RAPGEF5: variants seen among roughly 807,000 people sequenced by gnomAD.
The protein encoded by RAPGEF5 is M-Ras-regulated GEF.
A neutral mutation model predicts 125.2 loss-of-function variants in RAPGEF5; 65 were observed. The ratio of observed to expected loss-of-function variants is 0.52; its 90% confidence interval spans 0.43 to 0.64. The LOEUF (loss-of-function observed/expected upper bound fraction) is 0.64. RAPGEF5 is among the 30% of genes least tolerant of loss of function. RAPGEF5 has a pLI of 0.00. For synonymous variants in RAPGEF5, 391 were observed against 385.9 expected (o/e 1.01, Z -0.16); for missense variants, 958 against 1,048.1 (o/e 0.91, Z 1.19).
intron 4 of RAPGEF5, among the ~76,000 whole-genome samples, chr7:22,309,420 T>C (rs1451126763): frequency 6.6e-6 from 1 of 152,216 alleles, no homozygotes; most frequent in Non-Finnish European, 1.5e-5. Context: ...TAATCCAGAT[T>C]GCTCGGTTTC....
intron 5 of RAPGEF5, among the ~76,000 whole-genome samples, chr7:22,299,583 T>C (rs1358620537): frequency 9.2e-5 from 14 of 152,214 alleles, no homozygotes; most frequent in Non-Finnish European, 2.1e-4. Context: ...ATGTAGCTTT[T>C]CCTTTATTCC....
intron 11 of RAPGEF5, among the ~76,000 whole-genome samples, chr7:22,179,892 C>T (rs1250078652): frequency 6.6e-6 from 1 of 152,174 alleles, no homozygotes; most frequent in Non-Finnish European, 1.5e-5. Flanking sequence ...TCATGAATAA[C>T]CCACCCCTTG....
chr7:22,293,526 G>T lies in RAPGEF5; in HGVS notation c.681-2285C>A, dbSNP rs149078259. ...CCACCTTCTGACAAGCTTGTCTCTGGCTTCTCTTCTTGTACCCAGATGCCT... is the reference window on the plus strand; with the variant it reads ...CCACCTTCTGACAAGCTTGTCTCTGTCTTCTCTTCTTGTACCCAGATGCCT... On this transcript the variant is annotated intron_variant, in intron 5 of 25. Transcript: ENST00000665637. Among the ~76,000 whole-genome samples, 292 of 152,132 alleles carry T rather than the reference G, an allele frequency of 1.9e-3. 1 individual carries two copies. Among genetic ancestry groups the T allele is most frequent in the Non-Finnish European group, 3.1e-3 (212 of 68,002 alleles).
intron 6 of RAPGEF5, among the ~76,000 whole-genome samples, chr7:22,269,048 A>G (rs1434660016): frequency 6.6e-6 from 1 of 152,112 alleles, no homozygotes; most frequent in African/African-American, 2.4e-5. Context: ...TTTACATAAA[A>G]TAAATGAGAT....
At chr7:22,288,259 G>A (rs1251243851) in intron 6 of RAPGEF5, among the ~76,000 whole-genome samples, 3 of 152,012 alleles carry the variant, frequency 2.0e-5, no homozygotes, top group Admixed American at 6.6e-5. Context: ...TTCTACTCGG[G>A]TCTTCAATCT....
intron 21 of RAPGEF5, among the ~76,000 whole-genome samples, chr7:22,138,605 C>T (rs186672904): frequency 2.8e-4 from 42 of 152,256 alleles, no homozygotes; most frequent in African/African-American, 9.9e-4. Context: ...GCTTCTCATT[C>T]GAGTTTTCTC....
In RAPGEF5 at chr7:22,121,055, T is replaced by G. The variant is rs1412852399; in HGVS notation, c.*1351A>C. 3.3e-5 allele frequency: 5 copies of G among 152,138 alleles called. No individual in the cohort carries two copies. The highest frequency in any genetic ancestry group is 1.2e-4 in the African/African-American group (5 of 41,420). 9.4% of individuals were successfully genotyped at this position (152,138 alleles called of 1,614,324 possible). A position where few individuals can be genotyped will look rare whatever the true frequency, so the allele number is the denominator to read the frequency against. Reference sequence around the variant, plus strand: ...TTGCATTTTAGCAAGGTGACAAGTATCTAGCAGGCAGGGGTGGATTTCATT... The same window carrying G: ...TTGCATTTTAGCAAGGTGACAAGTAGCTAGCAGGCAGGGGTGGATTTCATT... On this transcript the variant is annotated 3_prime_UTR_variant, in exon 26 of 26. Coordinates refer to ENST00000665637, the MANE Select transcript of RAPGEF5 (RefSeq NM_012294.5).
chr7:22,267,140 G>T, intron 6 of RAPGEF5, 128 bp from the exon 7 acceptor site: 1 of 843,834 alleles, frequency 1.2e-6, no homozygotes, highest in Non-Finnish European at 1.8e-6. Flanking sequence ...TTTGCTGCCA[G>T]CACTTTTTTG....
chr7:22,136,171 T>C (rs1485927676), intron 22 of RAPGEF5, 46 bp from the exon 23 acceptor site: 4 of 1,388,806 alleles, frequency 2.9e-6, no homozygotes, highest in Non-Finnish European at 4.0e-6. Flanking sequence ...ATCAATGTGC[T>C]ATAGAAACAA....
In RAPGEF5 at chr7:22,314,763, G is replaced by T. The variant is rs189611109; in HGVS notation, c.389+607C>A. On this transcript the variant is annotated intron_variant, in intron 3 of 25. Transcript: ENST00000665637. Reference sequence around the variant, plus strand: ...ACAAAAAGCTAATAATTTACTTTTGGTTTTTTCTTTAAATTGTTCCATAAA... The same window carrying T: ...ACAAAAAGCTAATAATTTACTTTTGTTTTTTTCTTTAAATTGTTCCATAAA... 3.6e-3 allele frequency: 1,494 copies of T among 418,106 alleles called. 13 individuals are homozygous for T. Among genetic ancestry groups the T allele is most frequent in the Admixed American group, 7.8e-3 (122 of 15,552 alleles). 25.9% of individuals were successfully genotyped at this position (418,106 alleles called of 1,614,324 possible).
chr7:22,124,339 G>A (rs978543067), intron 25 of RAPGEF5, among the ~76,000 whole-genome samples: 1 of 152,200 alleles, frequency 6.6e-6, no homozygotes, highest in African/African-American at 2.4e-5. Flanking sequence ...GAATCTCTGT[G>A]ATGATGTTAT....
chr7:22,222,975 T>C (rs1785828612), intron 8 of RAPGEF5, among the ~76,000 whole-genome samples: 1 of 151,678 alleles, frequency 6.6e-6, no homozygotes, highest in Non-Finnish European at 1.5e-5. Context: ...GGAGTTGTCA[T>C]GGGGGGAGGC....
chr7:22,198,219 G>A (rs955679761), intron 9 of RAPGEF5, among the ~76,000 whole-genome samples: 17 of 152,106 alleles, frequency 1.1e-4, no homozygotes, highest in African/African-American at 4.1e-4. Context: ...AGAGAGAAGG[G>A]ACATTTTGCT....
intron 8 of RAPGEF5, among the ~76,000 whole-genome samples, chr7:22,226,427 T>A (rs1785920930): frequency 6.6e-6 from 1 of 152,116 alleles, no homozygotes. Flanking sequence ...ATATTAAGAA[T>A]TTTTTTCCAG....
intron 9 of RAPGEF5, among the ~76,000 whole-genome samples, chr7:22,215,031 G>C (rs777638287): frequency 2.6e-5 from 4 of 152,164 alleles, no homozygotes; most frequent in Non-Finnish European, 4.4e-5. Flanking sequence ...CTGTCAGTGA[G>C]ATAAATACTA....
At chr7:22,260,779 C>T (rs369390611) in intron 7 of RAPGEF5, among the ~76,000 whole-genome samples, 113 of 152,024 alleles carry the variant, frequency 7.4e-4, no homozygotes, top group African/African-American at 2.7e-3. Flanking sequence ...TTGAAGAGAA[C>T]AAGAAAAGTA....
At chr7:22,232,822 G>A (rs1031349899) in intron 7 of RAPGEF5, among the ~76,000 whole-genome samples, 4 of 152,170 alleles carry the variant, frequency 2.6e-5, no homozygotes, top group African/African-American at 9.7e-5. Flanking sequence ...TGCACTGCTT[G>A]ACTATGCCTA....
chr7:22,193,034 T>G, intron 11 of RAPGEF5: 2 of 350,840 alleles, frequency 5.7e-6, no homozygotes, highest in Non-Finnish European at 5.2e-6. Flanking sequence ...TCCTCCTCCT[T>G]GTATTTCTTT....
intron 1 of RAPGEF5, among the ~76,000 whole-genome samples, chr7:22,354,459 A>G (rs941693458): frequency 1.3e-5 from 2 of 152,180 alleles, no homozygotes; most frequent in African/African-American, 4.8e-5. Context: ...TTAACCAGAC[A>G]ATCCCAGATG....
Sources: gnomAD v4.1 joint callset for allele counts (sites outside exome capture counted in the v4.1 genomes callset) on GRCh38, gnomAD v4.1.1 for gene constraint, MANE v1.5 for transcripts, NCBI Gene and HGNC (gene_info 2026-07-23, HGNC 2026-07-21) for gene names.